SUGCT: variants seen among roughly 807,000 people sequenced by gnomAD.
The protein encoded by SUGCT is succinyl-CoA:glutarate CoA-transferase.
Under a neutral mutation model 55.0 loss-of-function variants are expected in SUGCT, and 41 were observed. The ratio of observed to expected loss-of-function variants is 0.74; its 90% CI spans 0.58 to 0.97. The LOEUF is 0.97. Among genes scored for constraint, SUGCT ranks in the 50% least tolerant of loss-of-function variants. The probability of loss-of-function intolerance (pLI) is 0.00; values close to 1 mark genes in which losing one functional copy is unlikely to be tolerated. For synonymous variants in SUGCT, 187 were observed against 200.4 expected (o/e 0.93, Z 0.56); for missense variants, 568 against 547.8 (o/e 1.04, Z -0.37).
At chr7:40,887,630 G>C in the SUGCT span, among the ~76,000 whole-genome samples, 1 of 152,150 alleles carries the variant, frequency 6.6e-6, no homozygotes, top group South Asian at 2.1e-4. Flanking sequence ...CAAGAGTTCT[G>C]ATTTTGAGAA....
intron 7 of SUGCT, among the ~76,000 whole-genome samples, chr7:40,239,865 C>T (rs975560018): frequency 1.1e-4 from 16 of 152,146 alleles, no homozygotes; most frequent in Admixed American, 9.8e-4. Flanking sequence ...TTCACATGGA[C>T]ACATCTTTCA....
At chr7:40,982,275 C>T in the SUGCT span, among the ~76,000 whole-genome samples, 1 of 152,200 alleles carries the variant, frequency 6.6e-6, no homozygotes, top group African/African-American at 2.4e-5. Context: ...GTTCAGTTCA[C>T]CACTGATCAT....
At chr7:40,527,402 T>C (rs973940156) in intron 12 of SUGCT, among the ~76,000 whole-genome samples, 9 of 152,228 alleles carry the variant, frequency 5.9e-5, no homozygotes, top group African/African-American at 2.2e-4. Flanking sequence ...TAGATTCTTT[T>C]TCCTTCACTT....
chr7:40,335,880 G>A (rs1796666570), intron 9 of SUGCT, among the ~76,000 whole-genome samples: 2 of 152,098 alleles, frequency 1.3e-5, no homozygotes, highest in Non-Finnish European at 2.9e-5. Flanking sequence ...TATTGGCTGT[G>A]GGTTTGTCAT....
the SUGCT span, among the ~76,000 whole-genome samples, chr7:40,911,640 C>T: frequency 6.6e-6 from 1 of 151,912 alleles, no homozygotes; most frequent in South Asian, 2.1e-4. Flanking sequence ...GGGGGCTGTC[C>T]TGTGTGCATT....
chr7:40,173,825 AAAT>A (rs1784793836), intron 1 of SUGCT, among the ~76,000 whole-genome samples: 1 of 149,850 alleles, frequency 6.7e-6, no homozygotes, highest in Non-Finnish European at 1.5e-5. Flanking sequence ...GTATTTATAG[AAAT>A]AATATATAGT....
chr7:40,843,114 C>T (rs1348659250), intron 13 of SUGCT, among the ~76,000 whole-genome samples: 2 of 151,918 alleles, frequency 1.3e-5, no homozygotes, highest in African/African-American at 4.8e-5. Context: ...CAGAGAAAGA[C>T]AGATAAAGAA....
At chr7:40,988,212 G>A in the SUGCT span, among the ~76,000 whole-genome samples, 2 of 147,960 alleles carry the variant, frequency 1.4e-5, no homozygotes, top group African/African-American at 5.0e-5. Flanking sequence ...TTTGCTACAT[G>A]TTTTCAGCTA....
intron 13 of SUGCT, among the ~76,000 whole-genome samples, chr7:40,761,520 T>A (rs182179939): frequency 6.6e-6 from 1 of 152,314 alleles, no homozygotes; most frequent in Admixed American, 6.5e-5. Flanking sequence ...AAATGACCCT[T>A]TTGTCAAACA....
chr7:40,854,937 T>TA (rs1042012354), intron 13 of SUGCT, among the ~76,000 whole-genome samples: 4 of 151,138 alleles, frequency 2.6e-5, no homozygotes, highest in Admixed American at 6.6e-5. Context: ...CCCTGTGTCT[T>TA]AAAAAAAACA....
chr7:40,637,467 A>T (rs1452922604), intron 12 of SUGCT, among the ~76,000 whole-genome samples: 1 of 152,218 alleles, frequency 6.6e-6, no homozygotes, highest in Non-Finnish European at 1.5e-5. Context: ...GGAAACGGGG[A>T]GGACCCCTTG....
intron 13 of SUGCT, among the ~76,000 whole-genome samples, chr7:40,787,884 C>G (rs1790106769): frequency 6.6e-6 from 1 of 152,094 alleles, no homozygotes. Context: ...TGATGCCCAT[C>G]CCCGCATCAA....
intron 12 of SUGCT, among the ~76,000 whole-genome samples, chr7:40,730,007 G>A (rs1364095644): frequency 6.6e-6 from 1 of 152,162 alleles, no homozygotes; most frequent in African/African-American, 2.4e-5. Context: ...GGTGCCCTTG[G>A]GCTGCTTGGC....
intron 13 of SUGCT, among the ~76,000 whole-genome samples, chr7:40,798,331 T>C (rs1017631802): frequency 2.6e-5 from 4 of 152,168 alleles, no homozygotes; most frequent in Non-Finnish European, 5.9e-5. Flanking sequence ...AAAGAATAAC[T>C]CTGGCTCTTT....
chr7:40,833,245 G>C (rs1222129019), intron 13 of SUGCT, among the ~76,000 whole-genome samples: 1 of 152,046 alleles, frequency 6.6e-6, no homozygotes, highest in Non-Finnish European at 1.5e-5. Flanking sequence ...ATCTGAGATG[G>C]GTTGTTTTCC....
At chr7:40,365,865 TC>T (rs1194764329) in intron 9 of SUGCT, among the ~76,000 whole-genome samples, 6 of 152,150 alleles carry the variant, frequency 3.9e-5, no homozygotes, top group Admixed American at 3.9e-4. Context: ...TTCAATGCCA[TC>T]CCCATCAAGC....
At chr7:40,557,771 TAAAAAAAA>T (rs34029032) in intron 12 of SUGCT, among the ~76,000 whole-genome samples, 2 of 115,786 alleles carry the variant, frequency 1.7e-5, no homozygotes, top group African/African-American at 5.9e-5. Context: ...AGACTCTGTC[TAAAAAAAA>T]AAAAAAAGAA....
intron 8 of SUGCT, 41 bp downstream of exon 8, chr7:40,274,697 T>C (rs1408849035): frequency 1.3e-6 from 2 of 1,594,566 alleles, no homozygotes; most frequent in South Asian, 2.2e-5. Context: ...TTATAAAAAC[T>C]GTGTCTGGGT....
chr7:40,814,774 C>T (rs1369289190), intron 13 of SUGCT, among the ~76,000 whole-genome samples: 1 of 152,072 alleles, frequency 6.6e-6, no homozygotes, highest in Non-Finnish European at 1.5e-5. Context: ...CTCATGGTGC[C>T]AGAATTCTTG....
Sources: gnomAD v4.1 joint callset for allele counts (sites outside exome capture counted in the v4.1 genomes callset) on GRCh38, gnomAD v4.1.1 for gene constraint, MANE v1.5 for transcripts, NCBI Gene and HGNC (gene_info 2026-07-23, HGNC 2026-07-21) for gene names.